The following MAML2 variants were observed in gnomAD, a reference collection of about 807,000 sequenced individuals.
MAML2 encodes mastermind like transcriptional coactivator 2.
Under a neutral mutation model 96.1 loss-of-function variants are expected in MAML2, and 22 were observed. That is an observed-to-expected ratio of 0.23 (90% confidence interval 0.16 to 0.33). MAML2 has a LOEUF of 0.33. Ranked by LOEUF, MAML2 falls within the 10% of genes least tolerant of loss-of-function variation. The pLI, the probability that MAML2 is intolerant of heterozygous loss-of-function variation, is 1.00. For synonymous variants in MAML2, 561 were observed against 521.3 expected (o/e 1.08, Z -1.04); for missense variants, 1,367 against 1,392.4 (o/e 0.98, Z 0.29).
At chr11:96,051,931 G>A (rs898655496) in intron 2 of MAML2, among the ~76,000 whole-genome samples, 2 of 152,214 alleles carry the variant, frequency 1.3e-5, no homozygotes, top group Admixed American at 6.5e-5. Context: ...GCAGAAGTGA[G>A]CATTGTGGCA....
At chr11:96,051,104 A>T (rs1450163923) in intron 2 of MAML2, among the ~76,000 whole-genome samples, 1 of 152,194 alleles carries the variant, frequency 6.6e-6, no homozygotes, top group Non-Finnish European at 1.5e-5. Context: ...AAGAGATCTG[A>T]AAACAAGGAG....
chr11:96,310,204 A>G (rs1863519467), intron 1 of MAML2, among the ~76,000 whole-genome samples: 2 of 152,198 alleles, frequency 1.3e-5, no homozygotes, highest in Non-Finnish European at 2.9e-5. Context: ...AAAAATAGCT[A>G]AAATGTTTTT....
In MAML2 at chr11:96,143,431, T is replaced by C. The variant is rs373710223; in HGVS notation, c.514-49914A>G. Among the ~76,000 whole-genome samples the C allele has an allele frequency of 3.4e-4, 52 of 152,322 alleles. No homozygotes were observed. The South Asian group carries it at 6.6e-3, about 19-fold the overall frequency. On this transcript the variant is annotated intron_variant, in intron 1 of 4. Coordinates refer to ENST00000524717, the MANE Select transcript of MAML2 (RefSeq NM_032427.4). ...TCGCTCTTGCTCCTATTATTATGGA[T>C]TTTAAGTTGCAGGGGCCTGTGAGAT...
chr11:96,286,511 A>T (rs1472869976), intron 1 of MAML2, among the ~76,000 whole-genome samples: 1 of 152,198 alleles, frequency 6.6e-6, no homozygotes, highest in African/African-American at 2.4e-5. Context: ...TAAGAATCCC[A>T]CTAGGGGAAA....
chr11:96,022,092 C>T (rs1590966225), intron 2 of MAML2, among the ~76,000 whole-genome samples: 1 of 152,156 alleles, frequency 6.6e-6, no homozygotes, highest in African/African-American at 2.4e-5. Flanking sequence ...AGGGCTGGCA[C>T]CCTAGGGCTG....
At chr11:96,241,876 T>TCA (rs1862442728) in intron 1 of MAML2, among the ~76,000 whole-genome samples, 1 of 151,062 alleles carries the variant, frequency 6.6e-6, no homozygotes, top group Admixed American at 6.6e-5. Context: ...TTGAATTAGT[T>TCA]TGTTTGGTCT....
chr11:96,307,923 G>C (rs1464894495), intron 1 of MAML2, among the ~76,000 whole-genome samples: 2 of 152,142 alleles, frequency 1.3e-5, no homozygotes, highest in African/African-American at 4.8e-5. Flanking sequence ...TGACTCATGG[G>C]TGGATATCAT....
intron 2 of MAML2, among the ~76,000 whole-genome samples, chr11:96,000,499 G>C (rs927287238): frequency 5.9e-5 from 9 of 152,136 alleles, no homozygotes; most frequent in African/African-American, 2.2e-4. Flanking sequence ...CTTGACCCTT[G>C]CTGTACTTGG....
At chr11:96,255,161 A>G (rs1447540901) in intron 1 of MAML2, among the ~76,000 whole-genome samples, 2 of 152,188 alleles carry the variant, frequency 1.3e-5, no homozygotes, top group Non-Finnish European at 2.9e-5. Context: ...AAATATGATC[A>G]TGTCACTTCC....
intron 1 of MAML2, among the ~76,000 whole-genome samples, chr11:96,102,217 A>G (rs1859946555): frequency 6.6e-6 from 1 of 152,118 alleles, no homozygotes; most frequent in African/African-American, 2.4e-5. Context: ...CGGAGCTTGC[A>G]GTGAGCCGAG....
chr11:96,243,505 T>C (rs762677668), intron 1 of MAML2, among the ~76,000 whole-genome samples: 43 of 152,300 alleles, frequency 2.8e-4, no homozygotes, highest in Non-Finnish European at 4.9e-4. Flanking sequence ...GCCGCGCGGC[T>C]CAGACCTCGC....
intron 1 of MAML2, among the ~76,000 whole-genome samples, chr11:96,149,799 TC>T (rs1860890753): frequency 6.6e-6 from 1 of 152,208 alleles, no homozygotes; most frequent in Middle Eastern, 3.4e-3. Flanking sequence ...TCTGTCTCCT[TC>T]TCTTTGTCTC....
At chr11:96,206,091 T>C (rs996225639) in intron 1 of MAML2, among the ~76,000 whole-genome samples, 70 of 152,170 alleles carry the variant, frequency 4.6e-4, no homozygotes, top group Non-Finnish European at 9.1e-4. Flanking sequence ...TTTTTAATTA[T>C]TGAGAAGGTT....
At chr11:96,253,471 A>G (rs577295724) in intron 1 of MAML2, among the ~76,000 whole-genome samples, 1 of 152,342 alleles carries the variant, frequency 6.6e-6, no homozygotes, top group Non-Finnish European at 1.5e-5. Context: ...CATTTACTCA[A>G]AACAGAATAT....
At chr11:96,304,306 C>T (rs778463085) in intron 1 of MAML2, among the ~76,000 whole-genome samples, 2 of 152,194 alleles carry the variant, frequency 1.3e-5, no homozygotes, top group African/African-American at 2.4e-5. Flanking sequence ...CCTTCTGACA[C>T]TGAGATCCAC....
At chr11:96,289,599 A>C (rs1033602483) in intron 1 of MAML2, among the ~76,000 whole-genome samples, 5 of 152,200 alleles carry the variant, frequency 3.3e-5, no homozygotes, top group Non-Finnish European at 7.4e-5. Context: ...ATAATCATTA[A>C]ACATCTTGCT....
intron 1 of MAML2, among the ~76,000 whole-genome samples, chr11:96,171,182 A>G (rs1861289263): frequency 1.3e-5 from 2 of 152,144 alleles, no homozygotes; most frequent in South Asian, 4.1e-4. Context: ...AGTAAAAACC[A>G]TTGGAGGGAA....
At position 96,092,974 on chromosome 11, in the gene MAML2, G is replaced by C; in HGVS notation, c.1057C>G (p.Pro353Ala). Residue 353 changes from proline to alanine, a missense_variant, in exon 2 of 5, where the codon CCT becomes GCT. By Grantham distance (27) the Pro-to-Ala change is conservative (BLOSUM62 -1). Coordinates refer to ENST00000524717, the MANE Select transcript of MAML2 (RefSeq NM_032427.4). This position sits in a 1 kb window ranked among gnomAD's most constrained non-coding sequence, Gnocchi z 4.1. Reference protein sequence around the residue: ...DLGQQSQRSTPRPSLPMEKIV... With the variant: ...DLGQQSQRSTARPSLPMEKIV... ...TTCTCCATGGGTAAGGAGGGCCTAG[G>C]TGTGCTCCTCTGGCTTTGCTGACCC... 1.2e-6 allele frequency: 2 copies of C among 1,613,892 alleles called. No homozygotes were observed. Among genetic ancestry groups the C allele is most frequent in the Non-Finnish European group, 1.7e-6 (2 of 1,179,804 alleles).
intron 1 of MAML2, among the ~76,000 whole-genome samples, chr11:96,182,867 T>A (rs909208891): frequency 6.6e-6 from 1 of 151,114 alleles, no homozygotes; most frequent in African/African-American, 2.4e-5. Flanking sequence ...AGGAACAGAG[T>A]TTTTTTTTGT....
Sources: allele counts gnomAD v4.1 joint callset (sites outside exome capture counted in the v4.1 genomes callset), GRCh38; gene constraint gnomAD v4.1.1; non-coding constraint Gnocchi (gnomAD v3.1); transcripts MANE v1.5; gene names NCBI Gene and HGNC (gene_info 2026-07-23, HGNC 2026-07-21).